SRRM4: variants seen among roughly 807,000 people sequenced by gnomAD.
The protein encoded by SRRM4 is serine/arginine repetitive matrix protein 4.
Under a neutral mutation model 68.9 loss-of-function variants are expected in SRRM4, and 33 were observed. The observed-to-expected ratio is 0.48, with a 90% confidence interval of 0.36 to 0.64. The LOEUF (loss-of-function observed/expected upper bound fraction) is 0.64. SRRM4 is among the 30% of genes least tolerant of loss of function. The probability of loss-of-function intolerance (pLI) is 0.00; values close to 1 mark genes in which losing one functional copy is unlikely to be tolerated. For missense variants in SRRM4, 817 were observed against 827.1 expected, an observed-to-expected ratio of 0.99 and a Z score of 0.15; for synonymous variants, 318 against 318.8, an observed-to-expected ratio of 1.00 and a Z score of 0.03.
intron 1 of SRRM4, among the ~76,000 whole-genome samples, chr12:118,984,733 C>T (rs914983469): frequency 3.3e-5 from 5 of 152,180 alleles, no homozygotes; most frequent in African/African-American, 4.8e-5. Flanking sequence ...GTGGGGCATA[C>T]TTGATGAGGC....
rs905119944 is a variant in SRRM4 at position 119,154,313 on chromosome 12, C to A, written c.1462C>A (p.Arg488=). The change falls in exon 12 of 13, where the codon CGG becomes AGG. Residue 488 remains arginine (R), a synonymous_variant. Transcript: ENST00000267260. This position sits in a 1 kb window ranked among gnomAD's most constrained non-coding sequence, Gnocchi z 4.7. ...GCGCGAGCGAGCGCGTCGGAGACGTCGGTCCTACTCGCCTATGAGAAAGCG... is the reference window on the plus strand; with the variant it reads ...GCGCGAGCGAGCGCGTCGGAGACGTAGGTCCTACTCGCCTATGAGAAAGCG... ...RERERARRRR[R]SYSPMRKRRR... is the part of the protein sequence containing the mutation. 8 of 1,612,400 alleles carry A rather than the reference C, an allele frequency of 5.0e-6. No homozygotes were observed. The highest frequency in any genetic ancestry group is 4.5e-5 in the East Asian group (2 of 44,798).
At chr12:119,027,155 AG>A (rs1158627637) in intron 1 of SRRM4, among the ~76,000 whole-genome samples, 1 of 152,200 alleles carries the variant, frequency 6.6e-6, no homozygotes, top group Non-Finnish European at 1.5e-5. Flanking sequence ...AGAGAAAAAA[AG>A]ATGGGCCCCA....
At chr12:119,062,636 T>G (rs1953821606) in intron 1 of SRRM4, among the ~76,000 whole-genome samples, 1 of 152,238 alleles carries the variant, frequency 6.6e-6, no homozygotes, top group Non-Finnish European at 1.5e-5. Flanking sequence ...TTTTAAACTT[T>G]CAAACTGTCT....
chr12:118,998,004 G>A (rs1427297605), intron 1 of SRRM4, among the ~76,000 whole-genome samples: 6 of 152,074 alleles, frequency 3.9e-5, no homozygotes, highest in Non-Finnish European at 8.8e-5. Context: ...TATCAAAATT[G>A]TTCCCTAAGG....
At chr12:119,142,889 T>A (rs1265019532) in intron 8 of SRRM4, among the ~76,000 whole-genome samples, 1 of 152,186 alleles carries the variant, frequency 6.6e-6, no homozygotes, top group Non-Finnish European at 1.5e-5. Flanking sequence ...GAGAAAGATG[T>A]GGCATCTAAA....
chr12:119,073,824 C>T (rs555473470), intron 1 of SRRM4, among the ~76,000 whole-genome samples: 6 of 152,056 alleles, frequency 3.9e-5, no homozygotes, highest in Non-Finnish European at 5.9e-5. Context: ...ACATAGGTCT[C>T]GCTATGTTGC....
chr12:119,117,792 A>G (rs1411428245), intron 4 of SRRM4, among the ~76,000 whole-genome samples: 1 of 152,042 alleles, frequency 6.6e-6, no homozygotes, highest in Non-Finnish European at 1.5e-5. Context: ...CGTGCCTGTA[A>G]TCCCAGCTAT....
At chr12:119,054,706 T>C (rs1307465609) in intron 1 of SRRM4, among the ~76,000 whole-genome samples, 1 of 152,218 alleles carries the variant, frequency 6.6e-6, no homozygotes, top group Non-Finnish European at 1.5e-5. Context: ...CAGTTCCAGA[T>C]AGATCCAGGA....
intron 6 of SRRM4, among the ~76,000 whole-genome samples, chr12:119,122,465 A>G (rs1316716535): frequency 6.6e-6 from 1 of 152,132 alleles, no homozygotes; most frequent in Non-Finnish European, 1.5e-5. Context: ...GAAAGGGTGC[A>G]TGTGTGTGCC....
At chr12:119,070,853 G>A (rs1393681419) in intron 1 of SRRM4, among the ~76,000 whole-genome samples, 2 of 152,244 alleles carry the variant, frequency 1.3e-5, no homozygotes, top group East Asian at 3.9e-4. Context: ...AGACTTCATG[G>A]TGAGGGTCCT....
At chr12:119,089,133 A>G (rs1247512188) in intron 1 of SRRM4, among the ~76,000 whole-genome samples, 4 of 152,108 alleles carry the variant, frequency 2.6e-5, no homozygotes, top group Non-Finnish European at 2.9e-5. Flanking sequence ...AAGAGAGCCC[A>G]TATGAGAGCC....
chr12:119,075,434 A>ATGG (rs1212682217), intron 1 of SRRM4, among the ~76,000 whole-genome samples: 6 of 63,288 alleles, frequency 9.5e-5, no homozygotes, highest in South Asian at 1.1e-3. Flanking sequence ...AGTAATGATG[A>ATGG]TGATGGTGAT....
intron 6 of SRRM4, among the ~76,000 whole-genome samples, chr12:119,123,429 A>T (rs13328974): frequency 0.046 from 6,927 of 151,914 alleles, 538 homozygotes; most frequent in African/African-American, 0.16. Context: ...TCTCGGTGTC[A>T]CTTGACCAGT....
intron 8 of SRRM4, 135 bp downstream of exon 8, chr12:119,130,969 T>A: frequency 1.0e-6 from 1 of 956,318 alleles, no homozygotes; most frequent in Non-Finnish European, 1.4e-6. Flanking sequence ...CCAGACCTCA[T>A]TAATGATGAA....
Position 119,145,560 on chromosome 12 carries a change from C to T in SRRM4, c.951C>T (p.Ser317=), listed in dbSNP as rs530710948. 8.0e-5 allele frequency: 129 copies of T among 1,605,436 alleles called. No homozygotes were observed. The African/African-American group carries it at 1.6e-3, about 20-fold the overall frequency. The change falls in exon 9 of 13, where the codon AGC becomes AGT. Residue 317 remains serine, a synonymous_variant. Coordinates refer to ENST00000267260, the MANE Select transcript of SRRM4 (RefSeq NM_194286.4). The part of the protein sequence containing the change: ...QEKGSPSGGL[S]KSRELNSGNT... ...AGGGGAGCCCCAGTGGGGGCTTGAG[C>T]AAGAGCCGGGAGCTCAACAGTGGCA... is the stretch of plus-strand genomic sequence containing the variant.
chr12:119,103,161 G>T lies in SRRM4; in HGVS notation c.278+779G>T, dbSNP rs1323721824. On this transcript the variant is annotated intron_variant, in intron 2 of 12. Transcript: ENST00000267260. Reference sequence around the variant, plus strand: ...AGTCTGGCCCATCTTTGGCCTCTGGGAAATCTATTTCTAGAAGATGTGATC... The same window carrying T: ...AGTCTGGCCCATCTTTGGCCTCTGGTAAATCTATTTCTAGAAGATGTGATC... 7.2e-5 allele frequency among the ~76,000 whole-genome samples: 11 copies of T among 152,256 alleles called. No homozygotes were observed. The East Asian group carries it at 2.1e-3, about 29-fold the overall frequency.
chr12:119,087,796 C>CCCAT (rs1953988686), intron 1 of SRRM4, among the ~76,000 whole-genome samples: 2 of 152,022 alleles, frequency 1.3e-5, no homozygotes, highest in African/African-American at 4.8e-5. Flanking sequence ...TGGAGTGGGG[C>CCCAT]CCATGCTCAG....
Position 119,156,794 on chromosome 12 carries a change from G to A in SRRM4, c.1832G>A (p.Arg611His). The change falls in exon 13 of 13, where the codon CGC becomes CAC. Residue 611 changes from arginine (R) to histidine (H), a missense_variant. Coordinates refer to ENST00000267260, the MANE Select transcript of SRRM4 (RefSeq NM_194286.4). ...GCAGACAGCTACTCCAGCACGAGGC[G>A]CTAAGTGCCCCTGAGCCAGCTGCCC... ...SSADSYSSTR[R>H] 1.3e-6 allele frequency: 2 copies of A among 1,527,104 alleles called. No individual in the cohort carries two copies. The highest frequency in any genetic ancestry group is 1.2e-5 in the South Asian group (1 of 82,174). The allele number at this position is 1,527,104 out of a possible 1,614,324, so 94.6% of individuals were successfully genotyped here.
intron 1 of SRRM4, among the ~76,000 whole-genome samples, chr12:119,077,042 T>G (rs1366222166): frequency 6.6e-6 from 1 of 152,174 alleles, no homozygotes; most frequent in Non-Finnish European, 1.5e-5. Flanking sequence ...CTTTGTTGTA[T>G]ATCTCTTGCA....
Sources: gnomAD v4.1 joint callset for allele counts (sites outside exome capture counted in the v4.1 genomes callset) on GRCh38, gnomAD v4.1.1 for gene constraint, Gnocchi (gnomAD v3.1) non-coding constraint, MANE v1.5 for transcripts, NCBI Gene and HGNC (gene_info 2026-07-23, HGNC 2026-07-21) for gene names.